Variants in DSG2 observed in about 807,000 individuals in gnomAD.
The protein encoded by DSG2 is desmoglein-2.
In DSG2, 45 loss-of-function variants were observed where a neutral mutation model predicts 75.6. The ratio of observed to expected loss-of-function variants is 0.60; its 90% CI spans 0.47 to 0.76. The LOEUF (loss-of-function observed/expected upper bound fraction) is 0.76, where lower values mean the gene tolerates loss of function less well. Among genes scored for constraint, DSG2 ranks in the 30% least tolerant of loss-of-function variants. The pLI is 0.00. For synonymous variants in DSG2, 429 were observed against 483.9 expected, an observed-to-expected ratio of 0.89 and a Z score of 1.49; for missense variants, 1,267 against 1,357.4, an observed-to-expected ratio of 0.93 and a Z score of 1.05.
chr18:31,534,657 C>T (rs142565894), intron 9 of DSG2, among the ~76,000 whole-genome samples: 1,553 of 151,854 alleles, frequency 0.01, 16 homozygotes, highest in Middle Eastern at 0.045. Context: ...ATTACAGGCA[C>T]GTGCCACCAT....
rs373286117 is a variant in DSG2 at position 31,524,590 on chromosome 18, C to T, written c.828+5C>T. 3.5e-5 allele frequency: 57 copies of T among 1,612,802 alleles called. No individual in the cohort carries two copies. Among genetic ancestry groups the T allele is most frequent in the Non-Finnish European group, 4.7e-5 (56 of 1,179,042 alleles). On this transcript the variant is annotated splice_donor_5th_base_variant and intron_variant, in intron 7 of 14. Transcript: ENST00000261590. ...CCTGTAGTAGAAAATAAAGTGGTAACTATTATTCTTCTAATAACTGTACCT... is the reference window on the plus strand; with the variant it reads ...CCTGTAGTAGAAAATAAAGTGGTAATTATTATTCTTCTAATAACTGTACCT...
Position 31,546,754 on chromosome 18 carries a change from G to A in DSG2, c.*11G>A, listed in dbSNP as rs1343967051. The A allele has an allele frequency of 8.7e-6, 14 of 1,612,982 alleles. No individual in the cohort carries two copies. Among genetic ancestry groups the A allele is most frequent in the Non-Finnish European group, 1.2e-5 (14 of 1,178,984 alleles). On this transcript the variant is annotated 3_prime_UTR_variant, in exon 15 of 15. Transcript: ENST00000261590. ...CATTCTTACTCCTAAACAGCAGTCA[G>A]CCACAAACTGACCCAGAGTTTAATT...
At chr18:31,529,950 T>C (rs1202223063) in intron 8 of DSG2, among the ~76,000 whole-genome samples, 3 of 152,200 alleles carry the variant, frequency 2.0e-5, no homozygotes, top group East Asian at 1.9e-4. Context: ...AATGACTGTC[T>C]ATATCTAAGT....
chr18:31,546,173 T>G lies in DSG2; in HGVS notation c.2787T>G (p.Ala929=). 6.2e-7 allele frequency: 1 copy of G among 1,614,114 alleles called. No homozygotes were observed. Among genetic ancestry groups the G allele is most frequent in the Non-Finnish European group, 8.5e-7 (1 of 1,180,008 alleles). ...KVATPLPDPM[A]SRNVIATETS... Reference sequence around the variant, plus strand: ...CTACACCTCTTCCTGACCCAATGGCTTCTAGAAATGTGATAGCAACAGAAA... The same window carrying G: ...CTACACCTCTTCCTGACCCAATGGCGTCTAGAAATGTGATAGCAACAGAAA... The change falls in exon 15 of 15, where the codon GCT becomes GCG. Residue 929 remains alanine (A), a synonymous_variant. Transcript: ENST00000261590.
At chr18:31,509,178 G>A (rs1434287693) in intron 1 of DSG2, among the ~76,000 whole-genome samples, 1 of 152,168 alleles carries the variant, frequency 6.6e-6, no homozygotes, top group Non-Finnish European at 1.5e-5. Context: ...GTGTAGCAAA[G>A]CATTGCTAAA....
At chr18:31,505,436 T>C (rs1226525383) in intron 1 of DSG2, among the ~76,000 whole-genome samples, 2 of 152,210 alleles carry the variant, frequency 1.3e-5, no homozygotes, top group African/African-American at 4.8e-5. Flanking sequence ...TCCTACCTCA[T>C]AGTAGTTTGA....
Position 31,536,289 on chromosome 18 carries a change from A to C in DSG2, c.1511A>C (p.Gln504Pro), listed in dbSNP as rs1175398003. 1 of 1,614,248 alleles carries C rather than the reference A, an allele frequency of 6.2e-7. No homozygotes were observed. The highest frequency in any genetic ancestry group is 2.2e-5 in the East Asian group (1 of 44,878). ...TGTCCCACACTGATAGAGCCTGTGC[A>C]GACAATCTGTCACGATGCAGAGTAT... Reference protein sequence around the residue: ...DNCPTLIEPVQTICHDAEYVN... With the variant: ...DNCPTLIEPVPTICHDAEYVN... Residue 504 changes from glutamine (Q) to proline (P), a missense_variant, in exon 11 of 15, where the codon CAG (glutamine) becomes CCG (proline). Gln to Pro is a moderately conservative substitution (Grantham distance 76). Transcript: ENST00000261590.
At chr18:31,500,225 C>G (rs2073006996) in intron 1 of DSG2, among the ~76,000 whole-genome samples, 1 of 151,854 alleles carries the variant, frequency 6.6e-6, no homozygotes, top group African/African-American at 2.4e-5. Flanking sequence ...AACTGACTAC[C>G]TAAGTGTAGG....
At chr18:31,513,048 A>T (rs1380011680) in intron 1 of DSG2, among the ~76,000 whole-genome samples, 2 of 152,198 alleles carry the variant, frequency 1.3e-5, no homozygotes, top group African/African-American at 4.8e-5. Context: ...GTTACATTTC[A>T]TATATTTCTT....
intron 1 of DSG2, among the ~76,000 whole-genome samples, chr18:31,513,849 G>GCAC (rs1407586927): frequency 6.6e-6 from 1 of 152,166 alleles, no homozygotes; most frequent in Non-Finnish European, 1.5e-5. Context: ...AGTATGGTGT[G>GCAC]ACAGAAAGGG....
chr18:31,520,887 A>G lies in DSG2; in HGVS notation c.301A>G (p.Ile101Val), dbSNP rs2073123806. 1 of 1,613,786 alleles carries G rather than the reference A, an allele frequency of 6.2e-7. No individual in the cohort carries two copies. The highest frequency in any genetic ancestry group is 8.5e-7 in the Non-Finnish European group (1 of 1,179,880). Residue 101 changes from isoleucine to valine, a missense_variant, in exon 4 of 15, where the codon ATA (isoleucine) becomes GTA (valine). Physicochemically the swap from Ile to Val is conservative, Grantham distance 29. Coordinates refer to ENST00000261590, the MANE Select transcript of DSG2 (RefSeq NM_001943.5). ...AGGGATTACAGAGCCACCTTTTGGT[A>G]TATTTGTCTTTAACAAAGATACTGG... The part of the protein sequence containing the change: ...GKGITEPPFG[I>V]FVFNKDTGEL...
At chr18:31,542,451 C>T in intron 13 of DSG2, 69 bp from the exon 14 acceptor site, 3 of 1,562,974 alleles carry the variant, frequency 1.9e-6, no homozygotes, top group African/African-American at 2.7e-5. Context: ...TGACTCAGAT[C>T]CTTCTACCAA....
intron 1 of DSG2, among the ~76,000 whole-genome samples, chr18:31,511,051 C>T (rs1006393982): frequency 1.3e-5 from 2 of 152,192 alleles, no homozygotes; most frequent in Admixed American, 6.5e-5. Flanking sequence ...AGAGTTTCTG[C>T]TTGTTCCAGT....
rs1458034853 is a variant in DSG2 at position 31,548,556 on chromosome 18, CT to C, written c.*1817del. 6.6e-6 allele frequency: 1 copy of C among 152,038 alleles called. No homozygotes were observed. Among genetic ancestry groups the C allele is most frequent in the Admixed American group, 6.6e-5 (1 of 15,258 alleles). 9.4% of individuals were successfully genotyped at this position (152,038 alleles called of 1,614,324 possible). A position where few individuals can be genotyped will look rare whatever the true frequency, so the allele number is the denominator to read the frequency against. The stretch of plus-strand genomic sequence containing the variant: ...ATTGTTTACTTAGTAATTGTTGTTT[CT>C]TTTATTATTATAGACTTACTATCAG... On this transcript the variant is annotated 3_prime_UTR_variant, in exon 15 of 15. Coordinates refer to ENST00000261590, the MANE Select transcript of DSG2 (RefSeq NM_001943.5).
At chr18:31,506,883 A>G (rs911718195) in intron 1 of DSG2, among the ~76,000 whole-genome samples, 17 of 152,162 alleles carry the variant, frequency 1.1e-4, no homozygotes, top group African/African-American at 3.6e-4. Context: ...GAGCAATCCA[A>G]CGACTTCAAG....
At chr18:31,526,724 T>G (rs2073165153) in intron 8 of DSG2, among the ~76,000 whole-genome samples, 1 of 152,124 alleles carries the variant, frequency 6.6e-6, no homozygotes, top group African/African-American at 2.4e-5. Flanking sequence ...ATACGAACGT[T>G]TCAGTCAGTG....
intron 14 of DSG2, among the ~76,000 whole-genome samples, chr18:31,544,985 C>A (rs906884132): frequency 1.3e-5 from 2 of 152,190 alleles, no homozygotes; most frequent in African/African-American, 4.8e-5. Flanking sequence ...AACCTCCCAT[C>A]TTTCATACCA....
rs80270967 is a variant in DSG2 at position 31,534,508 on chromosome 18, A to ATTTTTT, written c.1281-747_1281-742dup. Among the ~76,000 whole-genome samples the ATTTTTT allele has an allele frequency of 8.0e-3, 903 of 112,524 alleles. 28 individuals are homozygous for ATTTTTT. Among genetic ancestry groups the ATTTTTT allele is most frequent in the East Asian group, 0.012 (39 of 3,382 alleles). 73.8% of individuals were successfully genotyped at this position (112,524 alleles called of 152,430 possible). On this transcript the variant is annotated intron_variant, in intron 9 of 14. Coordinates refer to ENST00000261590, the MANE Select transcript of DSG2 (RefSeq NM_001943.5). ...ATGCTTCCGTTTAAAATGATCATTGATTTTTTTTTTTTTTTTTTTTGAGAT... is the reference window on the plus strand; with the variant it reads ...ATGCTTCCGTTTAAAATGATCATTGATTTTTTTTTTTTTTTTTTTTTTTTTTGAGAT...
intron 1 of DSG2, among the ~76,000 whole-genome samples, chr18:31,506,453 T>C (rs780187669): frequency 1.3e-5 from 2 of 152,226 alleles, no homozygotes; most frequent in Non-Finnish European, 2.9e-5. Flanking sequence ...GATCCACTTA[T>C]TTGAGACCAA....
Sources: allele counts gnomAD v4.1 joint callset (sites outside exome capture counted in the v4.1 genomes callset), GRCh38; gene constraint gnomAD v4.1.1; transcripts MANE v1.5; gene names NCBI Gene and HGNC (gene_info 2026-07-23, HGNC 2026-07-21).